Variants in LRRIQ3 observed in about 807,000 individuals in gnomAD.
LRRIQ3 encodes the protein leucine-rich repeat and IQ domain-containing protein 3.
A neutral mutation model predicts 59.3 loss-of-function variants in LRRIQ3; 75 were observed. That is an observed-to-expected ratio of 1.26 (90% CI 1.05 to 1.53). The LOEUF (loss-of-function observed/expected upper bound fraction) is 1.53, where lower values mean the gene tolerates loss of function less well. Among genes scored for constraint, LRRIQ3 ranks in the 40% most tolerant of loss-of-function variants. The pLI is 0.00. For synonymous variants in LRRIQ3, 250 were observed against 231.3 expected, an observed-to-expected ratio of 1.08 and a Z score of -0.73; for missense variants, 831 against 710.0, an observed-to-expected ratio of 1.17 and a Z score of -1.94.
intron 4 of LRRIQ3, among the ~76,000 whole-genome samples, chr1:74,139,130 A>G (rs1012300119): frequency 3.4e-5 from 5 of 145,914 alleles, no homozygotes; most frequent in East Asian, 3.9e-4. Context: ...GTGTGTGTAT[A>G]TATATATATA....
At chr1:74,055,398 T>C (rs1375211192) in intron 6 of LRRIQ3, among the ~76,000 whole-genome samples, 2 of 152,052 alleles carry the variant, frequency 1.3e-5, no homozygotes, top group Admixed American at 1.3e-4. Context: ...ACCTATTTTA[T>C]ATCTCTATAG....
intron 6 of LRRIQ3, among the ~76,000 whole-genome samples, chr1:74,058,161 T>C (rs1311745020): frequency 6.6e-6 from 1 of 152,116 alleles, no homozygotes; most frequent in African/African-American, 2.4e-5. Context: ...GAAAATAGTA[T>C]GGAGGTTCTT....
At chr1:74,144,077 G>A (rs1423953202) in intron 4 of LRRIQ3, among the ~76,000 whole-genome samples, 1 of 151,892 alleles carries the variant, frequency 6.6e-6, no homozygotes, top group Non-Finnish European at 1.5e-5. Context: ...AATCAACTAT[G>A]ATCCATTTAT....
At chr1:74,154,739 C>T (rs1278003001) in intron 4 of LRRIQ3, among the ~76,000 whole-genome samples, 1 of 152,108 alleles carries the variant, frequency 6.6e-6, no homozygotes, top group Non-Finnish European at 1.5e-5. Context: ...AATAAGTATG[C>T]ACTTTTCAGC....
chr1:74,187,622 A>G (rs1313810809), intron 1 of LRRIQ3, among the ~76,000 whole-genome samples: 1 of 152,154 alleles, frequency 6.6e-6, no homozygotes, highest in African/African-American at 2.4e-5. Context: ...AGAAGACTAC[A>G]TACTGGGTAC....
chr1:74,178,206 C>A (rs1015809563), intron 3 of LRRIQ3, among the ~76,000 whole-genome samples: 10 of 151,860 alleles, frequency 6.6e-5, no homozygotes, highest in Admixed American at 2.6e-4. Context: ...TGCCAATAAA[C>A]AACTTTATTT....
chr1:74,192,228 A>G (rs1650812128), intron 1 of LRRIQ3, among the ~76,000 whole-genome samples: 1 of 152,082 alleles, frequency 6.6e-6, no homozygotes, highest in East Asian at 1.9e-4. Context: ...TAGGACATTC[A>G]GAGTTAATTT....
Position 74,155,631 on chromosome 1 carries a change from T to C in LRRIQ3, c.707+102A>G, listed in dbSNP as rs552020050. 4.2e-3 allele frequency: 4,278 copies of C among 1,028,262 alleles called. 13 individuals carry two copies. Among genetic ancestry groups the C allele is most frequent in the Non-Finnish European group, 5.4e-3 (3,893 of 719,084 alleles). The allele number at this position is 1,028,262 out of a possible 1,614,324, so 63.7% of individuals were successfully genotyped here. A position where few individuals can be genotyped will look rare whatever the true frequency, so the allele number is the denominator to read the frequency against. ...TAAACAGACTATACCATTTTAATGA[T>C]AGAGAATACAAAAATGCAAATTATT... On this transcript the variant is annotated intron_variant, in intron 4 of 7. Transcript: ENST00000354431.
At chr1:74,136,135 A>G (rs1172923435) in intron 4 of LRRIQ3, among the ~76,000 whole-genome samples, 1 of 151,970 alleles carries the variant, frequency 6.6e-6, no homozygotes, top group Non-Finnish European at 1.5e-5. Flanking sequence ...AATGTAGATG[A>G]AATGGATGAA....
At chr1:74,176,169 A>C (rs1335283108) in intron 3 of LRRIQ3, among the ~76,000 whole-genome samples, 2 of 152,060 alleles carry the variant, frequency 1.3e-5, no homozygotes, top group African/African-American at 2.4e-5. Context: ...AGATTCTCTT[A>C]GTTTTCCTCT....
chr1:74,032,874 T>G (rs561219679), intron 7 of LRRIQ3, among the ~76,000 whole-genome samples: 1 of 152,098 alleles, frequency 6.6e-6, no homozygotes, highest in East Asian at 1.9e-4. Context: ...GAGGAGAGTT[T>G]ATTAGCTTTT....
intron 7 of LRRIQ3, among the ~76,000 whole-genome samples, chr1:74,028,979 T>C (rs957373647): frequency 5.3e-5 from 8 of 151,976 alleles, no homozygotes; most frequent in African/African-American, 1.7e-4. Flanking sequence ...AAAATAGCCC[T>C]CTTACAGATA....
At chr1:74,044,741 A>G (rs890378215) in intron 6 of LRRIQ3, among the ~76,000 whole-genome samples, 34 of 152,166 alleles carry the variant, frequency 2.2e-4, no homozygotes, top group Non-Finnish European at 4.4e-4. Context: ...AAAAGAGAGG[A>G]GAATCAAATA....
At chr1:74,173,905 T>G (rs1649480369) in intron 3 of LRRIQ3, among the ~76,000 whole-genome samples, 1 of 152,058 alleles carries the variant, frequency 6.6e-6, no homozygotes, top group Admixed American at 6.5e-5. Context: ...GGTTGTCACG[T>G]TTTGGGTTTT....
chr1:74,196,695 A>G (rs1651166035), intron 1 of LRRIQ3, among the ~76,000 whole-genome samples: 1 of 152,104 alleles, frequency 6.6e-6, no homozygotes, highest in African/African-American at 2.4e-5. Flanking sequence ...TACAGTCCAC[A>G]CCCATTAATT....
chr1:74,143,778 C>T (rs965503049), intron 4 of LRRIQ3, among the ~76,000 whole-genome samples: 8 of 151,062 alleles, frequency 5.3e-5, no homozygotes, highest in South Asian at 2.1e-4. Context: ...AGTCTCAAAA[C>T]CCAGGTAGCT....
intron 4 of LRRIQ3, among the ~76,000 whole-genome samples, chr1:74,136,351 GA>G (rs1164370496): frequency 6.6e-6 from 1 of 151,822 alleles, no homozygotes; most frequent in African/African-American, 2.4e-5. Flanking sequence ...CAGAAATAGA[GA>G]AAGAAACACA....
At chr1:74,048,818 T>C (rs909994166) in intron 6 of LRRIQ3, among the ~76,000 whole-genome samples, 1 of 152,170 alleles carries the variant, frequency 6.6e-6, no homozygotes, top group African/African-American at 2.4e-5. Context: ...TAAAATTGAA[T>C]GTTTGTTGTG....
intron 5 of LRRIQ3, among the ~76,000 whole-genome samples, chr1:74,088,097 AC>A (rs1646349310): frequency 6.6e-6 from 1 of 152,012 alleles, no homozygotes; most frequent in South Asian, 2.1e-4. Flanking sequence ...CATCAAACAA[AC>A]AAACAAAAAA....
Sources: allele counts gnomAD v4.1 joint callset (sites outside exome capture counted in the v4.1 genomes callset), GRCh38; gene constraint gnomAD v4.1.1; transcripts MANE v1.5; gene names NCBI Gene and HGNC (gene_info 2026-07-23, HGNC 2026-07-21).